Variants in NTSR1 observed in about 807,000 individuals in gnomAD.
NTSR1 encodes the protein neurotensin receptor 1, also known as neurotensin receptor type 1.
NTSR1 carries 29 observed loss-of-function variants against 31.2 expected under a neutral mutation model. That is an observed-to-expected ratio of 0.93 (90% CI 0.69 to 1.27). The LOEUF is 1.27. NTSR1 is among the 50% of genes most tolerant of loss of function. The pLI, the probability that NTSR1 is intolerant of heterozygous loss-of-function variation, is 0.00. For synonymous variants in NTSR1, 282 were observed against 269.9 expected (o/e 1.04, Z -0.44); for missense variants, 697 against 595.4 (o/e 1.17, Z -1.78).
rs1292623439 is a variant in NTSR1 at position 62,754,753 on chromosome 20, C to G, written c.783C>G (p.Asn261Lys). ...CGGTCCTGAACACCATCATCGCCAA[C>G]AAGCTGACCGTCATGGTACGCCAGG... is the stretch of plus-strand genomic sequence containing the variant. ...VISVLNTIIA[N>K]KLTVMVRQAA... Residue 261 changes from asparagine to lysine, a missense_variant, in exon 2 of 4, where the codon AAC (asparagine) becomes AAG (lysine). Physicochemically the swap from Asn to Lys is moderately conservative, Grantham distance 94 (BLOSUM62 0). Transcript: ENST00000370501. 1 of 1,612,872 alleles carries G rather than the reference C, an allele frequency of 6.2e-7. No individual in the cohort carries two copies. The highest frequency in any genetic ancestry group is 8.5e-7 in the Non-Finnish European group (1 of 1,179,808).
At position 62,755,172 on chromosome 20, in the gene NTSR1, C is replaced by A. The variant is rs78750652; in HGVS notation, c.916+286C>A. ...TCCATCCATCCCTTCCTCCTTCTAT[C>A]CCTCCACCCCTCCCTCCTCCCTTCA... is the stretch of plus-strand genomic sequence containing the variant. On this transcript the variant is annotated intron_variant, in intron 2 of 3. Transcript: ENST00000370501. Among the ~76,000 whole-genome samples the A allele has an allele frequency of 4.1e-3, 552 of 135,480 alleles. 14 individuals are homozygous for A. In the East Asian group the frequency reaches 0.06, roughly 15 times the overall value. The allele number at this position is 135,480 out of a possible 152,430, so 88.9% of individuals were successfully genotyped here.
chr20:62,726,731 T>C lies in NTSR1; in HGVS notation c.714+16810T>C, dbSNP rs574699704. Among the ~76,000 whole-genome samples the C allele has an allele frequency of 1.5e-4, 23 of 149,452 alleles. No homozygotes were observed. The South Asian group carries it at 4.9e-3, about 32-fold the overall frequency. On this transcript the variant is annotated intron_variant, in intron 1 of 3. Coordinates refer to ENST00000370501, the MANE Select transcript of NTSR1 (RefSeq NM_002531.3). Reference sequence around the variant, plus strand: ...AAAATGGTGGGAATGGCTTCACAACTGTGGAGTGCTTTTCTCATTTTACTA... The same window carrying C: ...AAAATGGTGGGAATGGCTTCACAACCGTGGAGTGCTTTTCTCATTTTACTA...
chr20:62,709,344 T>A lies in NTSR1; in HGVS notation c.137T>A (p.Val46Asp). The A allele has an allele frequency of 6.2e-7, 1 of 1,609,734 alleles. No individual in the cohort carries two copies. Among genetic ancestry groups the A allele is most frequent in the South Asian group, 1.1e-5 (1 of 90,860 alleles). Residue 46 changes from valine (V) to aspartate (D), a missense_variant, in exon 1 of 4, where the codon GTC (valine) becomes GAC (aspartate). By Grantham distance (152) the Val-to-Asp change is radical (BLOSUM62 -3). Transcript: ENST00000370501. ...GCTTCGGGCAACGCGTCGGAGCGCG[T>A]CCTGGCGGCACCCAGCAGCGAGCTG... ...GNASGNASER[V>D]LAAPSSELDV...
intron 1 of NTSR1, among the ~76,000 whole-genome samples, 174 bp from the exon 2 acceptor site, chr20:62,754,511 G>C (rs1239876024): frequency 1.3e-5 from 2 of 152,138 alleles, no homozygotes; most frequent in Non-Finnish European, 2.9e-5. Context: ...ACAGCAGCCA[G>C]GGGTGGCCAT....
intron 1 of NTSR1, among the ~76,000 whole-genome samples, chr20:62,729,860 T>A (rs1461978882): frequency 6.6e-6 from 1 of 152,150 alleles, no homozygotes; most frequent in Non-Finnish European, 1.5e-5. Flanking sequence ...TGACCTCAAG[T>A]GATCTGCCTG....
At chr20:62,747,611 A>T (rs60172873) in intron 1 of NTSR1, among the ~76,000 whole-genome samples, 5,722 of 142,848 alleles carry the variant, frequency 0.04, 226 homozygotes, top group South Asian at 0.064. Flanking sequence ...GCAAGGATGC[A>T]CTACTCAACA....
At chr20:62,749,668 A>C (rs111331523) in intron 1 of NTSR1, among the ~76,000 whole-genome samples, 3 of 152,342 alleles carry the variant, frequency 2.0e-5, no homozygotes, top group African/African-American at 7.2e-5. Context: ...GAAGAGCTAC[A>C]TATGGCCAAT....
At chr20:62,750,456 C>T (rs1038613520) in intron 1 of NTSR1, among the ~76,000 whole-genome samples, 9 of 151,954 alleles carry the variant, frequency 5.9e-5, no homozygotes, top group Non-Finnish European at 1.2e-4. Flanking sequence ...TTTGGGAGGC[C>T]GAGGCGGGTG....
At chr20:62,735,875 T>A (rs1989082451) in intron 1 of NTSR1, among the ~76,000 whole-genome samples, 1 of 152,012 alleles carries the variant, frequency 6.6e-6, no homozygotes. Context: ...GGGACAGGAG[T>A]TGCCAAGAAC....
chr20:62,720,781 TA>T (rs1600720808), intron 1 of NTSR1, among the ~76,000 whole-genome samples: 1 of 152,190 alleles, frequency 6.6e-6, no homozygotes, highest in South Asian at 2.1e-4. Flanking sequence ...CATGAAATGC[TA>T]TAAACATCCT....
At chr20:62,751,829 G>A (rs769003988) in intron 1 of NTSR1, among the ~76,000 whole-genome samples, 2 of 152,230 alleles carry the variant, frequency 1.3e-5, no homozygotes, top group Non-Finnish European at 2.9e-5. Context: ...GGTCCAGGCC[G>A]TCAGCTGTCC....
intron 1 of NTSR1, among the ~76,000 whole-genome samples, chr20:62,750,279 G>C (rs1314018121): frequency 6.6e-6 from 1 of 152,206 alleles, no homozygotes; most frequent in Non-Finnish European, 1.5e-5. Context: ...GCAGAGCACT[G>C]AGTGCTGGGG....
chr20:62,709,050 G>C lies in NTSR1; in HGVS notation c.-158G>C. The C allele has an allele frequency of 3.8e-6, 2 of 532,698 alleles. No individual in the cohort carries two copies. The highest frequency in any genetic ancestry group is 6.1e-6 in the Non-Finnish European group (2 of 325,598). 33.0% of individuals were successfully genotyped at this position (532,698 alleles called of 1,614,324 possible). On this transcript the variant is annotated 5_prime_UTR_variant, in exon 1 of 4. Coordinates refer to ENST00000370501, the MANE Select transcript of NTSR1 (RefSeq NM_002531.3). ...CCCGGAGCCCGGGGCGGCGCGTCTG[G>C]GTCTGGCGCTTCCCGACTGGACGGC...
chr20:62,720,056 G>A (rs774585346), intron 1 of NTSR1, among the ~76,000 whole-genome samples: 22 of 152,110 alleles, frequency 1.4e-4, no homozygotes, highest in Non-Finnish European at 2.5e-4. Flanking sequence ...TCCCAGCACC[G>A]TGGGAGGCCA....
chr20:62,754,633 G>T lies in NTSR1; in HGVS notation c.715-52G>T. The T allele has an allele frequency of 2.1e-6, 3 of 1,455,524 alleles. No individual in the cohort carries two copies. The South Asian group carries it at 3.4e-5, about 17-fold the overall frequency. 90.2% of individuals were successfully genotyped at this position (1,455,524 alleles called of 1,614,324 possible). ...AGCACGGCAGGCATCCCAGCTGAGG[G>T]TGCATGAGTCCCGCTGCTGGCTCTG... On this transcript the variant is annotated intron_variant, in intron 1 of 3. Transcript: ENST00000370501.
intron 1 of NTSR1, among the ~76,000 whole-genome samples, chr20:62,736,609 C>T (rs773639989): frequency 2.6e-5 from 4 of 152,316 alleles, no homozygotes; most frequent in Non-Finnish European, 4.4e-5. Flanking sequence ...TCCGAGGACT[C>T]CGAGGCCCTG....
In NTSR1 at chr20:62,715,216, G is replaced by C. The variant is rs1988692121; in HGVS notation, c.714+5295G>C. Among the ~76,000 whole-genome samples, 1 of 152,216 alleles carries C rather than the reference G, an allele frequency of 6.6e-6. No individual in the cohort carries two copies. The highest frequency in any genetic ancestry group is 1.5e-5 in the Non-Finnish European group (1 of 68,034). On this transcript the variant is annotated intron_variant, in intron 1 of 3. Transcript: ENST00000370501. The surrounding 1 kb of genome is among the most constrained non-coding windows in gnomAD (Gnocchi z 4.7). ...TCAGATGGTGACTCTGAGGCTGTGGGGGGTGAGAGGGCAGGACAGGGAGGT... is the reference window on the plus strand; with the variant it reads ...TCAGATGGTGACTCTGAGGCTGTGGCGGGTGAGAGGGCAGGACAGGGAGGT...
At position 62,709,892 on chromosome 20, in the gene NTSR1, C is replaced by G. The variant is rs1391174213; in HGVS notation, c.685C>G (p.His229Asp). The G allele has an allele frequency of 1.3e-6, 2 of 1,599,196 alleles. No individual in the cohort carries two copies. Among genetic ancestry groups the G allele is most frequent in the African/African-American group, 2.7e-5 (2 of 74,534 alleles). The stretch of plus-strand genomic sequence containing the variant: ...CGGCCTGGTGTGCACCCCCACCATC[C>G]ACACTGCCACCGTCAAGGTCGTCAT... ...AGGLVCTPTI[H>D]TATVKVVIQV... The change falls in exon 1 of 4, where the codon CAC becomes GAC. Residue 229 changes from histidine (H) to aspartate (D), a missense_variant. By Grantham distance (81) the His-to-Asp change is moderately conservative. Transcript: ENST00000370501.
Position 62,710,050 on chromosome 20 carries a change from G to A in NTSR1, c.714+129G>A, listed in dbSNP as rs1988577760. The A allele has an allele frequency of 3.6e-6, 3 of 823,768 alleles. No individual in the cohort carries two copies. The Admixed American group carries it at 8.8e-5, about 24-fold the overall frequency. 51.0% of individuals were successfully genotyped at this position (823,768 alleles called of 1,614,324 possible). On this transcript the variant is annotated intron_variant, in intron 1 of 3. Coordinates refer to ENST00000370501, the MANE Select transcript of NTSR1 (RefSeq NM_002531.3). ...AGTCTACTCCTGCGAGGCTGGGAAGGCGGTTGGGGCAGCTTGGGGGCAGCT... is the reference window on the plus strand; with the variant it reads ...AGTCTACTCCTGCGAGGCTGGGAAGACGGTTGGGGCAGCTTGGGGGCAGCT...
Sources: gnomAD v4.1 joint callset for allele counts (sites outside exome capture counted in the v4.1 genomes callset) on GRCh38, gnomAD v4.1.1 for gene constraint, Gnocchi (gnomAD v3.1) non-coding constraint, MANE v1.5 for transcripts, NCBI Gene and HGNC (gene_info 2026-07-23, HGNC 2026-07-21) for gene names.